NUP214: variants seen among roughly 807,000 people sequenced by gnomAD.
The protein encoded by NUP214 is nuclear pore complex protein Nup214.
Under a neutral mutation model 196.2 loss-of-function variants are expected in NUP214, and 79 were observed. The ratio of observed to expected loss-of-function variants is 0.40; its 90% CI spans 0.34 to 0.49. The LOEUF is 0.49. Ranked by LOEUF, NUP214 falls within the 20% of genes least tolerant of loss-of-function variation. NUP214 has a pLI of 0.58. For missense variants in NUP214, 2,468 were observed against 2,539.0 expected, an observed-to-expected ratio of 0.97 and a Z score of 0.60; for synonymous variants, 1,020 against 990.5, an observed-to-expected ratio of 1.03 and a Z score of -0.56.
At chr9:131,175,667 G>C (rs1169870034) in intron 23 of NUP214, 46 bp downstream of exon 23, 1 of 1,589,394 alleles carries the variant, frequency 6.3e-7, no homozygotes, top group African/African-American at 1.4e-5. Context: ...ATTATGAGCT[G>C]TCTGAGTCAC....
intron 11 of NUP214, chr9:131,141,580 C>G (rs1018908016): frequency 3.3e-5 from 5 of 149,418 alleles, no homozygotes; most frequent in Admixed American, 6.8e-5. Context: ...ATCTCCCAGG[C>G]TCAGGCAGTC....
intron 21 of NUP214, among the ~76,000 whole-genome samples, chr9:131,171,359 T>C (rs563754363): frequency 1.4e-3 from 208 of 152,214 alleles, no homozygotes; most frequent in Non-Finnish European, 1.9e-3. Context: ...TTGAAGGTGA[T>C]GTGATTATTT....
At chr9:131,178,984 GTTGTTGTTT>G (rs1430063034) in intron 24 of NUP214, among the ~76,000 whole-genome samples, 2 of 151,646 alleles carry the variant, frequency 1.3e-5, no homozygotes, top group African/African-American at 4.9e-5. Flanking sequence ...TGTTGTTGTT[GTTGTTGTTT>G]TTTGTTTTTT....
Position 131,174,053 on chromosome 9 carries a change from A to G in NUP214, c.2894-2A>G. The G allele has an allele frequency of 6.2e-7, 1 of 1,611,364 alleles. No homozygotes were observed. The stretch of plus-strand genomic sequence containing the variant: ...ATTGTGTTTTGTTTGGGGCTTTTGT[A>G]GCCAGCCTGTCTCGATCAGCCTTTC... On this transcript the variant is annotated splice_acceptor_variant, in intron 21 of 35. Coordinates refer to ENST00000359428, the MANE Select transcript of NUP214 (RefSeq NM_005085.4). LOFTEE classifies it high-confidence loss of function.
At chr9:131,205,113 T>G (rs1295663985) in intron 30 of NUP214, among the ~76,000 whole-genome samples, 1 of 152,154 alleles carries the variant, frequency 6.6e-6, no homozygotes, top group South Asian at 2.1e-4. Flanking sequence ...AGAGCAAGAC[T>G]CCATCTCAAA....
chr9:131,142,340 A>G (rs1831942951), intron 11 of NUP214, among the ~76,000 whole-genome samples: 1 of 152,178 alleles, frequency 6.6e-6, no homozygotes, highest in South Asian at 2.1e-4. Context: ...TTCCTAGAGA[A>G]ACTCCCCTCT....
At chr9:131,159,971 C>T (rs1156792168) in intron 18 of NUP214, among the ~76,000 whole-genome samples, 13 of 151,824 alleles carry the variant, frequency 8.6e-5, no homozygotes, top group Admixed American at 8.5e-4. Context: ...CAGTAATTTA[C>T]ATAAAATAAT....
intron 7 of NUP214, 138 bp from the exon 8 acceptor site, chr9:131,134,760 T>C: frequency 1.6e-6 from 1 of 640,442 alleles, no homozygotes; most frequent in Non-Finnish European, 2.7e-6. Context: ...GTGCTGCCTT[T>C]ATACCATGTC....
Position 131,129,334 on chromosome 9 carries a change from G to A in NUP214, c.449G>A (p.Gly150Asp), listed in dbSNP as rs376430170. The A allele has an allele frequency of 5.0e-6, 8 of 1,614,102 alleles. No individual in the cohort carries two copies. In the African/African-American group the frequency reaches 8.0e-5, roughly 16 times the overall value. ...AYHKLLKDAG[G>D]MVIDMKWNPT... ...CATAAGCTTTTGAAAGATGCAGGAG[G>A]CATGGTGATTGATATGAAGTGGAAC... Residue 150 changes from glycine to aspartate, a missense_variant, in exon 4 of 36, where the codon GGC (glycine) becomes GAC (aspartate). Physicochemically the swap from Gly to Asp is moderately conservative, Grantham distance 94. Around this residue, in one of 5 missense-constraint regions of NUP214, gnomAD observed 392 missense variants for 417.9 expected, o/e 0.94. Transcript: ENST00000359428.
At chr9:131,183,101 C>G (rs934578201) in intron 24 of NUP214, among the ~76,000 whole-genome samples, 5 of 152,180 alleles carry the variant, frequency 3.3e-5, no homozygotes, top group African/African-American at 7.2e-5. Flanking sequence ...CCCACTACCC[C>G]CCAGATGGAT....
At chr9:131,155,255 A>AT (rs949069024) in intron 17 of NUP214, among the ~76,000 whole-genome samples, 10 of 152,230 alleles carry the variant, frequency 6.6e-5, no homozygotes, top group African/African-American at 2.2e-4. Context: ...GATGTTAAGC[A>AT]TTTTTTTGGA....
At chr9:131,132,119 C>CTTTTTTTTTTTTTTTTTTT (rs71389396) in intron 5 of NUP214, among the ~76,000 whole-genome samples, 1 of 114,660 alleles carries the variant, frequency 8.7e-6, no homozygotes, top group African/African-American at 3.6e-5. Flanking sequence ...TCTTTTCTTT[C>CTTTTTTTTTTTTTTTTTTT]TTTTTTTTTT....
chr9:131,207,391 T>C (rs1333128485), intron 30 of NUP214, among the ~76,000 whole-genome samples: 1 of 152,242 alleles, frequency 6.6e-6, no homozygotes, highest in African/African-American at 2.4e-5. Context: ...CTCACTCTGA[T>C]GTCAGTGGTT....
intron 34 of NUP214, among the ~76,000 whole-genome samples, chr9:131,231,631 C>CA (rs1178878320): frequency 0.012 from 1,281 of 109,688 alleles, 13 homozygotes; most frequent in African/African-American, 0.031. Context: ...CCAGCAGACT[C>CA]AAAAAAAAAA....
At position 131,132,662 on chromosome 9, in the gene NUP214, A is replaced by G; in HGVS notation, c.727+3A>G. 1 of 1,613,314 alleles carries G rather than the reference A, an allele frequency of 6.2e-7. No homozygotes were observed. The highest frequency in any genetic ancestry group is 8.5e-7 in the Non-Finnish European group (1 of 1,179,248). On this transcript the variant is annotated splice_donor_region_variant and intron_variant, in intron 6 of 35. Coordinates refer to ENST00000359428, the MANE Select transcript of NUP214 (RefSeq NM_005085.4). ...TGAGTCAGATCATCCTGTCAGAGGT[A>G]ACAACTGCTTTTCTTATTGGGCTGA... is the stretch of plus-strand genomic sequence containing the variant.
At chr9:131,160,336 G>A (rs1488633136) in intron 18 of NUP214, among the ~76,000 whole-genome samples, 3 of 152,128 alleles carry the variant, frequency 2.0e-5, no homozygotes, top group Non-Finnish European at 2.9e-5. Flanking sequence ...AGAATTTTCC[G>A]TAATACTCTT....
chr9:131,204,302 A>G (rs1307818917), intron 30 of NUP214, among the ~76,000 whole-genome samples: 1 of 152,258 alleles, frequency 6.6e-6, no homozygotes, highest in East Asian at 1.9e-4. Flanking sequence ...TTGAAGAAGA[A>G]CCAAATAGAA....
chr9:131,192,805 T>C (rs1439274075), intron 27 of NUP214: 1 of 152,818 alleles, frequency 6.5e-6, no homozygotes, highest in Non-Finnish European at 1.5e-5. Flanking sequence ...ACCAGGTACG[T>C]TGGTTCACTT....
At chr9:131,160,529 G>A (rs1832598706) in intron 18 of NUP214, among the ~76,000 whole-genome samples, 1 of 152,200 alleles carries the variant, frequency 6.6e-6, no homozygotes, top group Non-Finnish European at 1.5e-5. Context: ...ATGAGAGCAT[G>A]AAGTGCCCAT....
Sources: allele counts gnomAD v4.1 joint callset (sites outside exome capture counted in the v4.1 genomes callset), GRCh38; gene constraint gnomAD v4.1.1; regional missense constraint gnomAD v4.1.1; transcripts MANE v1.5; gene names NCBI Gene and HGNC (gene_info 2026-07-23, HGNC 2026-07-21).